Variants in TEX29 observed in about 807,000 individuals in gnomAD.
TEX29 encodes the protein testis-expressed protein 29.
A neutral mutation model predicts 18.2 loss-of-function variants in TEX29; 26 were observed. The observed-to-expected ratio is 1.43, with a 90% CI of 1.04 to 1.98. The LOEUF (loss-of-function observed/expected upper bound fraction) is 1.98. TEX29 is among the 30% of genes most tolerant of loss of function. TEX29 has a pLI of 0.00. For synonymous variants in TEX29, 83 were observed against 78.5 expected, an observed-to-expected ratio of 1.06 and a Z score of -0.31; for missense variants, 177 against 194.2, an observed-to-expected ratio of 0.91 and a Z score of 0.53.
rs184039522 is a variant in TEX29, at chr13:111,342,741, C to T, written c.240-15C>T. 3.2e-4 allele frequency: 521 copies of T among 1,611,714 alleles called. 2 individuals are homozygous for T. The East Asian group carries it at 6.4e-3, about 20-fold the overall frequency. The stretch of plus-strand genomic sequence containing the variant: ...TGTAACTTCCCTGACTGTGATAAAA[C>T]CCTCTTCCCATCAGAGTCATTCAGG... On this transcript the variant is annotated splice_polypyrimidine_tract_variant and intron_variant, in intron 4 of 5. Transcript: ENST00000283547.
chr13:111,343,605 C>T (rs891744543), intron 5 of TEX29, among the ~76,000 whole-genome samples: 3 of 152,210 alleles, frequency 2.0e-5, no homozygotes, highest in Non-Finnish European at 4.4e-5. Flanking sequence ...TAGATCAGCA[C>T]CTTGCCAGGT....
intron 2 of TEX29, among the ~76,000 whole-genome samples, 159 bp from the exon 3 acceptor site, chr13:111,328,024 A>T (rs2093676835): frequency 6.6e-6 from 1 of 152,240 alleles, no homozygotes; most frequent in South Asian, 2.1e-4. Context: ...TCTGGATCTT[A>T]GTTTCAAATA....
At chr13:111,318,397 G>A (rs954971572), upstream of TEX29, among the ~76,000 whole-genome samples, 3 of 152,252 alleles carry the variant, frequency 2.0e-5, no homozygotes, top group East Asian at 1.9e-4. Flanking sequence ...ACGTGGGAAC[G>A]GGACTCAGGA....
intron 3 of TEX29, among the ~76,000 whole-genome samples, chr13:111,331,828 T>A (rs780717754): frequency 7.9e-5 from 12 of 152,340 alleles, no homozygotes; most frequent in East Asian, 1.9e-4. Flanking sequence ...TTTCCCTGAT[T>A]AAGTTGACAC....
chr13:111,341,691 G>A (rs1203580635), intron 4 of TEX29, among the ~76,000 whole-genome samples: 1 of 113,462 alleles, frequency 8.8e-6, no homozygotes, highest in Non-Finnish European at 1.8e-5. Flanking sequence ...ATCATAACCC[G>A]TGTTTAGTGA....
At chr13:111,338,167 T>C (rs1377787958) in intron 3 of TEX29, among the ~76,000 whole-genome samples, 1 of 152,102 alleles carries the variant, frequency 6.6e-6, no homozygotes, top group Non-Finnish European at 1.5e-5. Context: ...AATGCATATG[T>C]TGAAGTTTAG....
chr13:111,337,693 C>T (rs1281860332), intron 3 of TEX29, among the ~76,000 whole-genome samples: 1 of 151,986 alleles, frequency 6.6e-6, no homozygotes, highest in Admixed American at 6.6e-5. Flanking sequence ...CCACTGTTTC[C>T]CCTCCTCAGG....
chr13:111,324,003 GTTGT>G (rs1163966899), intron 2 of TEX29, among the ~76,000 whole-genome samples: 1 of 152,214 alleles, frequency 6.6e-6, no homozygotes, highest in Non-Finnish European at 1.5e-5. Flanking sequence ...AGATTTTTAT[GTTGT>G]TTATGACATC....
rs938241245 is a variant in TEX29 at position 111,341,904 on chromosome 13, G to A, written c.240-852G>A. ...ATTGACGCAGCATCGAGGGGGTCCC[G>A]AGGCTGATGGATGGGGCAGTGAGGC... On this transcript the variant is annotated intron_variant, in intron 4 of 5. Coordinates refer to ENST00000283547, the MANE Select transcript of TEX29 (RefSeq NM_152324.3). Among the ~76,000 whole-genome samples, 4 of 152,218 alleles carry A rather than the reference G, an allele frequency of 2.6e-5. No individual in the cohort carries two copies. In the East Asian group the frequency reaches 5.8e-4, roughly 22 times the overall value.
intron 2 of TEX29, among the ~76,000 whole-genome samples, chr13:111,322,141 C>T (rs933805753): frequency 3.9e-5 from 6 of 152,312 alleles, no homozygotes; most frequent in African/African-American, 9.6e-5. Context: ...TGCCAGACTG[C>T]GAGGCCTTCC....
intron 2 of TEX29, among the ~76,000 whole-genome samples, chr13:111,322,521 G>A (rs576130456): frequency 9.2e-5 from 14 of 152,200 alleles, no homozygotes; most frequent in Non-Finnish European, 2.1e-4. Flanking sequence ...GTCAGGGGCT[G>A]CTGGAGGCTG....
chr13:111,324,738 C>T (rs1258495498), intron 2 of TEX29, among the ~76,000 whole-genome samples: 1 of 152,200 alleles, frequency 6.6e-6, no homozygotes, highest in Non-Finnish European at 1.5e-5. Context: ...ACGATGATGC[C>T]TCACTGCCTG....
intron 2 of TEX29, 24 bp downstream of exon 2, chr13:111,320,972 G>GGA: frequency 6.5e-7 from 1 of 1,536,082 alleles, no homozygotes; most frequent in Admixed American, 1.8e-5. Context: ...GCGCCAGGGG[G>GGA]GCGGGTGGGG....
chr13:111,337,838 C>T (rs1281837194), intron 3 of TEX29, among the ~76,000 whole-genome samples: 1 of 152,182 alleles, frequency 6.6e-6, no homozygotes, highest in Non-Finnish European at 1.5e-5. Context: ...CAACCCCAAG[C>T]CTCGCTCCCT....
intron 2 of TEX29, among the ~76,000 whole-genome samples, 166 bp downstream of exon 2, chr13:111,321,114 C>T (rs1233096644): frequency 6.6e-6 from 1 of 152,082 alleles, no homozygotes; most frequent in South Asian, 2.1e-4. Flanking sequence ...CCTGGGAAAA[C>T]GCTGTGAAGA....
At chr13:111,342,179 CTG>C (rs1270250949) in intron 4 of TEX29, among the ~76,000 whole-genome samples, 18 of 152,262 alleles carry the variant, frequency 1.2e-4, no homozygotes, top group Non-Finnish European at 5.9e-5. Flanking sequence ...TGAGCCCACT[CTG>C]TGTGCATACA....
Position 111,320,927 on chromosome 13 carries a change from C to T in TEX29, c.37C>T (p.His13Tyr). ...GCTGGAAGTGAAGAACTCTCCGCGG[C>T]ACCTCCTGAAGCAATTCACAGGTAT... ...YVLEVKNSPR[H>Y]LLKQFTVCDV... Residue 13 changes from histidine to tyrosine, a missense_variant, in exon 2 of 6, where the codon CAC becomes TAC. Coordinates refer to ENST00000283547, the MANE Select transcript of TEX29 (RefSeq NM_152324.3). The T allele has an allele frequency of 6.2e-7, 1 of 1,612,064 alleles. No homozygotes were observed. The highest frequency in any genetic ancestry group is 8.5e-7 in the Non-Finnish European group (1 of 1,179,662).
At chr13:111,323,352 G>C (rs541416337) in intron 2 of TEX29, among the ~76,000 whole-genome samples, 1 of 152,332 alleles carries the variant, frequency 6.6e-6, no homozygotes, top group African/African-American at 2.4e-5. Flanking sequence ...TGGGGAAGAG[G>C]CGTGTGTGGG....
upstream of TEX29, among the ~76,000 whole-genome samples, chr13:111,319,135 G>C (rs2093659483): frequency 6.6e-6 from 1 of 152,144 alleles, no homozygotes; most frequent in African/African-American, 2.4e-5. Context: ...ATCATCTTGA[G>C]GGTTGGGATT....
Sources: allele counts gnomAD v4.1 joint callset (sites outside exome capture counted in the v4.1 genomes callset), GRCh38; gene constraint gnomAD v4.1.1; transcripts MANE v1.5; gene names NCBI Gene and HGNC (gene_info 2026-07-23, HGNC 2026-07-21).